BUB1: variants seen among roughly 807,000 people sequenced by gnomAD.
The protein encoded by BUB1 is mitotic checkpoint serine/threonine-protein kinase BUB1.
BUB1 carries 84 observed loss-of-function variants against 135.2 expected under a neutral mutation model. The observed-to-expected ratio is 0.62, with a 90% CI of 0.52 to 0.74. The LOEUF is 0.74. Among genes scored for constraint, BUB1 ranks in the 30% least tolerant of loss-of-function variants. The probability of loss-of-function intolerance (pLI) is 0.00; values close to 1 mark genes in which losing one functional copy is unlikely to be tolerated. For missense variants in BUB1, 1,162 were observed against 1,288.3 expected (o/e 0.90, Z 1.50); for synonymous variants, 403 against 434.4 (o/e 0.93, Z 0.90).
At chr2:110,675,812 T>C (rs911138126) in intron 1 of BUB1, among the ~76,000 whole-genome samples, 3 of 152,114 alleles carry the variant, frequency 2.0e-5, no homozygotes, top group African/African-American at 7.2e-5. Flanking sequence ...CCACCATGTC[T>C]GGCTAATTTT....
intron 3 of BUB1, 113 bp from the exon 4 acceptor site, chr2:110,672,970 G>C: frequency 9.4e-7 from 1 of 1,066,400 alleles, no homozygotes; most frequent in Non-Finnish European, 1.3e-6. Flanking sequence ...ATGGGAGCTG[G>C]TCATCAGCAA....
rs573200251 is a variant in BUB1 at position 110,641,437 on chromosome 2, G to A, written c.2653C>T (p.Pro885Ser). ...AGACCTTGAGGCATCACTTTTTCAG[G>A]GGTATTTTTATAGAGGTTAATGGCA... ...LNAINLYKNT[P>S]EKVMPQGLVI... Residue 885 changes from proline to serine, a missense_variant, in exon 22 of 25, where the codon CCT becomes TCT. Physicochemically the swap from Pro to Ser is moderately conservative, Grantham distance 74. Transcript: ENST00000302759. The A allele has an allele frequency of 6.2e-6, 10 of 1,612,942 alleles. No homozygotes were observed. In the Admixed American group the frequency reaches 1.3e-4, roughly 22 times the overall value.
Position 110,661,609 on chromosome 2 carries a change from A to G in BUB1, c.1190T>C (p.Met397Thr), listed in dbSNP as rs1690097656. 8 of 1,614,068 alleles carry G rather than the reference A, an allele frequency of 5.0e-6. No homozygotes were observed. The highest frequency in any genetic ancestry group is 2.2e-5 in the East Asian group (1 of 44,900). Residue 397 changes from methionine to threonine, a missense_variant, in exon 10 of 25, where the codon ATG becomes ACG. Coordinates refer to ENST00000302759, the MANE Select transcript of BUB1 (RefSeq NM_004336.5). ...AGCATCTTTGCTGGCCACTGCAAAC[A>G]TGGAGTCTGTTACTGTCTGGGCTTT... is the stretch of plus-strand genomic sequence containing the variant. ...PLKAQTVTDS[M>T]FAVASKDAGC...
In BUB1 at chr2:110,657,128, A is replaced by G. The variant is rs1488251702; in HGVS notation, c.1617-11T>C. The stretch of plus-strand genomic sequence containing the variant: ...TTAGGCTGTGGTAATCTAAGGAAAG[A>G]TTTGCTAAATTATAAATAGTAAAAT... On this transcript the variant is annotated splice_polypyrimidine_tract_variant and intron_variant, in intron 14 of 24. Coordinates refer to ENST00000302759, the MANE Select transcript of BUB1 (RefSeq NM_004336.5). 2 of 1,603,148 alleles carry G rather than the reference A, an allele frequency of 1.2e-6. No homozygotes were observed. The highest frequency in any genetic ancestry group is 1.7e-5 in the Admixed American group (1 of 59,012).
intron 4 of BUB1, among the ~76,000 whole-genome samples, chr2:110,671,682 T>C (rs1690427865): frequency 6.6e-6 from 1 of 151,984 alleles, no homozygotes; most frequent in Non-Finnish European, 1.5e-5. Context: ...TGAGAATCTA[T>C]GAAAAGAAAC....
intron 19 of BUB1, 126 bp downstream of exon 19, chr2:110,649,106 GAT>G: frequency 1.2e-6 from 1 of 845,384 alleles, no homozygotes; most frequent in Non-Finnish European, 1.8e-6. Context: ...TAGTATTACA[GAT>G]ACAACTCCCT....
chr2:110,672,969 G>C (rs1394077449), intron 3 of BUB1, 112 bp from the exon 4 acceptor site: 2 of 1,071,378 alleles, frequency 1.9e-6, no homozygotes, highest in African/African-American at 1.6e-5. Flanking sequence ...GATGGGAGCT[G>C]GTCATCAGCA....
intron 10 of BUB1, chr2:110,661,107 C>A (rs1036329368): frequency 1.3e-5 from 2 of 152,618 alleles, no homozygotes; most frequent in Admixed American, 6.5e-5. Flanking sequence ...AAAAATCCCT[C>A]AAAATTGGGG....
At chr2:110,676,827 G>A (rs1439476694) in intron 1 of BUB1, among the ~76,000 whole-genome samples, 2 of 151,968 alleles carry the variant, frequency 1.3e-5, no homozygotes, top group African/African-American at 4.8e-5. Flanking sequence ...ACGGTTACAT[G>A]TGACAGAGTG....
At position 110,641,131 on chromosome 2, in the gene BUB1, A is replaced by G. The variant is rs770951499; in HGVS notation, c.2858T>C (p.Met953Thr). ...TATAGTTCCTTTTGGAAAAAGTTTCATATCTATACTCTGACCCAGGTCAAT... is the reference window on the plus strand; with the variant it reads ...TATAGTTCCTTTTGGAAAAAGTTTCGTATCTATACTCTGACCCAGGTCAAT... ...ALIDLGQSID[M>T]KLFPKGTIFT... The change falls in exon 23 of 25, where the codon ATG becomes ACG. Residue 953 changes from methionine to threonine, a missense_variant. Transcript: ENST00000302759. 8 of 1,613,640 alleles carry G rather than the reference A, an allele frequency of 5.0e-6. No individual in the cohort carries two copies. The highest frequency in any genetic ancestry group is 3.3e-5 in the South Asian group (3 of 90,912).
intron 24 of BUB1, 93 bp from the exon 25 acceptor site, chr2:110,638,252 A>G (rs536675264): frequency 7.2e-6 from 7 of 978,906 alleles, no homozygotes; most frequent in Non-Finnish European, 1.0e-5. Flanking sequence ...AGGCTTGGAC[A>G]GTTTAGTATA....
chr2:110,673,282 C>G (rs183772498), intron 3 of BUB1, among the ~76,000 whole-genome samples: 1 of 152,266 alleles, frequency 6.6e-6, no homozygotes, highest in East Asian at 1.9e-4. Flanking sequence ...TTAATAATAT[C>G]CTTTATAATA....
chr2:110,642,275 TATTTTA>T (rs758161358), intron 19 of BUB1, 41 bp from the exon 20 acceptor site: 3 of 1,319,012 alleles, frequency 2.3e-6, no homozygotes, highest in South Asian at 1.3e-5. Context: ...GTACGCCTTT[TATTTTA>T]AATAGTTTTC....
Position 110,657,565 on chromosome 2 carries a change from C to T in BUB1, c.1597G>A (p.Gly533Arg). 1 of 1,602,926 alleles carries T rather than the reference C, an allele frequency of 6.2e-7. No individual in the cohort carries two copies. Among genetic ancestry groups the T allele is most frequent in the Non-Finnish European group, 8.5e-7 (1 of 1,174,934 alleles). The change falls in exon 14 of 25, where the codon GGA (glycine) becomes AGA (arginine). Residue 533 changes from glycine (G) to arginine (R), a missense_variant. Transcript: ENST00000302759. ...TTTTACCCATAATTTTCTTTGTTTCCATCTTCAAACACATGAAAAGCAGAT... is the reference window on the plus strand; with the variant it reads ...TTTTACCCATAATTTTCTTTGTTTCTATCTTCAAACACATGAAAAGCAGAT... ...LSSAFHVFED[G>R]NKENYGLPQP...
chr2:110,656,064 G>A, intron 15 of BUB1, 148 bp from the exon 16 acceptor site: 1 of 635,454 alleles, frequency 1.6e-6, no homozygotes, highest in Non-Finnish European at 2.5e-6. Context: ...ACAATATCAT[G>A]GTTCAGTTCT....
rs1254266995 is a variant in BUB1 at position 110,647,495 on chromosome 2, C to T, written c.2347+1739G>A. 2.0e-5 allele frequency among the ~76,000 whole-genome samples: 3 copies of T among 151,780 alleles called. No individual in the cohort carries two copies. In the East Asian group the frequency reaches 5.8e-4, roughly 29 times the overall value. ...TCAACAAAGAATCATATAATCATAT[C>T]AATAAATGCAGAAAATATTGAAAGG... On this transcript the variant is annotated intron_variant, in intron 19 of 24. Transcript: ENST00000302759.
chr2:110,647,144 G>A (rs978936197), intron 19 of BUB1, among the ~76,000 whole-genome samples: 1 of 152,036 alleles, frequency 6.6e-6, no homozygotes, highest in Non-Finnish European at 1.5e-5. Context: ...ACAATCTCTC[G>A]CAGATGAAAG....
In BUB1 at chr2:110,658,698, T is replaced by C. The variant is rs781200718; in HGVS notation, c.1321A>G (p.Thr441Ala). 4 of 1,614,018 alleles carry C rather than the reference T, an allele frequency of 2.5e-6. No homozygotes were observed. The highest frequency in any genetic ancestry group is 4.5e-5 in the East Asian group (2 of 44,886). The change falls in exon 12 of 25, where the codon ACT (threonine) becomes GCT (alanine). Residue 441 changes from threonine (T) to alanine (A), a missense_variant. By Grantham distance (58) the Thr-to-Ala change is moderately conservative (BLOSUM62 0). Coordinates refer to ENST00000302759, the MANE Select transcript of BUB1 (RefSeq NM_004336.5). Reference protein sequence around the residue: ...KVANTSSFHTTPNTSLGMVQA... With the variant: ...KVANTSSFHTAPNTSLGMVQA... ...ACCATTCCCAGTGATGTGTTTGGAG[T>C]TGTGTGAAAAGAACTTGTGTTGGCA...
At chr2:110,653,706 T>A (rs1574322248) in intron 16 of BUB1, among the ~76,000 whole-genome samples, 183 bp from the exon 17 acceptor site, 1 of 152,218 alleles carries the variant, frequency 6.6e-6, no homozygotes, top group East Asian at 1.9e-4. Flanking sequence ...AAAATCACTT[T>A]AAAAAAATCC....
Sources: gnomAD v4.1 joint callset for allele counts (sites outside exome capture counted in the v4.1 genomes callset) on GRCh38, gnomAD v4.1.1 for gene constraint, MANE v1.5 for transcripts, NCBI Gene and HGNC (gene_info 2026-07-23, HGNC 2026-07-21) for gene names.